Variants in CDH23 observed in about 807,000 individuals in gnomAD.
CDH23 encodes cadherin-23.
Under a neutral mutation model 317.1 loss-of-function variants are expected in CDH23, and 189 were observed. The ratio of observed to expected loss-of-function variants is 0.60; its 90% CI spans 0.53 to 0.67. CDH23 has a LOEUF of 0.67. Among genes scored for constraint, CDH23 ranks in the 30% least tolerant of loss-of-function variants. CDH23 has a pLI of 0.00. For missense variants in CDH23, 4,401 were observed against 4,592.4 expected (o/e 0.96, Z 1.20); for synonymous variants, 1,839 against 1,876.8 (o/e 0.98, Z 0.52).
chr10:71,423,838 A>G (rs1460388220), intron 1 of CDH23, among the ~76,000 whole-genome samples: 2 of 152,158 alleles, frequency 1.3e-5, no homozygotes, highest in Middle Eastern at 3.2e-3. Flanking sequence ...GCAGGGCAGG[A>G]CGGGTGGTGC....
rs1554820918 is a variant in CDH23 at position 71,402,745 on chromosome 10, G to GTGTGCA, written c.-6+5427_-6+5428insTGTGCA. ...TGTGTGTGTGTGTGTGTGTGTGTGT[G>GTGTGCA]CACGCGCGCGCGCGCACATGCGCGT... On this transcript the variant is annotated intron_variant, in intron 1 of 69. Transcript: ENST00000224721. Among the ~76,000 whole-genome samples the GTGTGCA allele has an allele frequency of 2.2e-4, 32 of 147,036 alleles. 2 individuals carry two copies. Among genetic ancestry groups the GTGTGCA allele is most frequent in the Non-Finnish European group, 3.3e-4 (22 of 66,152 alleles).
chr10:71,734,141 G>T, intron 32 of CDH23, 99 bp from the exon 33 acceptor site: 1 of 966,762 alleles, frequency 1.0e-6, no homozygotes. Flanking sequence ...AAGTTATGCC[G>T]GACAGAGGAA....
intron 6 of CDH23, among the ~76,000 whole-genome samples, chr10:71,544,314 A>G (rs1052656371): frequency 2.0e-5 from 3 of 152,130 alleles, no homozygotes; most frequent in African/African-American, 7.2e-5. Flanking sequence ...GCGGAAAACA[A>G]CTCTAATAAC....
chr10:71,646,543 A>G lies in CDH23; in HGVS notation c.1375A>G (p.Ile459Val). ...CATCAATGAAAATGACAACCGGCCC[A>G]TCTTCAGCCAGCCACTGTACAACAT... ...TLINENDNRP[I>V]FSQPLYNISL... Residue 459 changes from isoleucine to valine, a missense_variant, in exon 14 of 70, where the codon ATC becomes GTC. Around this residue, in one of 3 missense-constraint regions of CDH23, gnomAD observed 3,068 missense variants for 3,203.3 expected, o/e 0.96. Coordinates refer to ENST00000224721, the MANE Select transcript of CDH23 (RefSeq NM_022124.6). 4 of 1,614,004 alleles carry G rather than the reference A, an allele frequency of 2.5e-6. No individual in the cohort carries two copies. Among genetic ancestry groups the G allele is most frequent in the Non-Finnish European group, 3.4e-6 (4 of 1,179,890 alleles).
chr10:71,588,587 CAGCCTGTAGGTAT>C (rs1423683632), intron 9 of CDH23, among the ~76,000 whole-genome samples: 1 of 152,148 alleles, frequency 6.6e-6, no homozygotes, highest in Non-Finnish European at 1.5e-5. Flanking sequence ...CTGGATTCCT[CAGCCTGTAGGTAT>C]TAATGGGGTC....
At chr10:71,744,300 C>G (rs574936959) in intron 38 of CDH23, among the ~76,000 whole-genome samples, 1 of 152,262 alleles carries the variant, frequency 6.6e-6, no homozygotes, top group South Asian at 2.1e-4. Flanking sequence ...CACTCCCCAC[C>G]CACACTCCAA....
At chr10:71,658,286 G>A (rs1253830933) in intron 14 of CDH23, among the ~76,000 whole-genome samples, 1 of 152,200 alleles carries the variant, frequency 6.6e-6, no homozygotes, top group East Asian at 1.9e-4. Flanking sequence ...AGGAGAGAGC[G>A]AGAGATGGAG....
chr10:71,523,975 C>G (rs1204769019), intron 6 of CDH23, among the ~76,000 whole-genome samples: 1 of 152,210 alleles, frequency 6.6e-6, no homozygotes, highest in Non-Finnish European at 1.5e-5. Flanking sequence ...TTTCTACTTC[C>G]CTGGAACACA....
At position 71,785,791 on chromosome 10, in the gene CDH23, G is replaced by A. The variant is rs1164516429; in HGVS notation, c.5820+53G>A. ...GGGCTGGGAGCTAGAGGCGCATGGA[G>A]AGAGAACACATCACCCCTCCTGCAG... On this transcript the variant is annotated intron_variant, in intron 44 of 69. Transcript: ENST00000224721. 25 of 1,091,778 alleles carry A rather than the reference G, an allele frequency of 2.3e-5. 1 individual carries two copies. In the Middle Eastern group the frequency reaches 5.9e-4, roughly 26 times the overall value. 67.6% of individuals were successfully genotyped at this position (1,091,778 alleles called of 1,614,324 possible).
chr10:71,634,826 C>T (rs1371121281), intron 11 of CDH23, among the ~76,000 whole-genome samples: 1 of 152,250 alleles, frequency 6.6e-6, no homozygotes, highest in African/African-American at 2.4e-5. Flanking sequence ...CCGTGTGTCC[C>T]CCGATCTCCA....
At chr10:71,572,279 C>G (rs959493883) in intron 8 of CDH23, among the ~76,000 whole-genome samples, 38 of 151,758 alleles carry the variant, frequency 2.5e-4, no homozygotes, top group African/African-American at 9.0e-4. Flanking sequence ...TTCCTAGCCC[C>G]TTTTCTCTCT....
intron 18 of CDH23, among the ~76,000 whole-genome samples, chr10:71,686,400 C>G (rs968904275): frequency 6.6e-6 from 1 of 152,032 alleles, no homozygotes; most frequent in African/African-American, 2.4e-5. Flanking sequence ...GTCAGCGTGA[C>G]CCAGGGTGCC....
rs146731232 is a variant in CDH23 at position 71,455,107 on chromosome 10, A to T, written c.145+8712A>T. On this transcript the variant is annotated intron_variant, in intron 3 of 69. Coordinates refer to ENST00000224721, the MANE Select transcript of CDH23 (RefSeq NM_022124.6). Reference sequence around the variant, plus strand: ...TCCTCCTGCCTTGGCCTCCCAAAGCACTGAGATTACAGGCATGAGCCACTG... The same window carrying T: ...TCCTCCTGCCTTGGCCTCCCAAAGCTCTGAGATTACAGGCATGAGCCACTG... 3.4e-3 allele frequency among the ~76,000 whole-genome samples: 511 copies of T among 152,244 alleles called. 4 individuals carry two copies. The highest frequency in any genetic ancestry group is 3.3e-3 in the Non-Finnish European group (223 of 68,022).
At chr10:71,638,315 CAG>C (rs1862372434) in intron 11 of CDH23, among the ~76,000 whole-genome samples, 1 of 152,160 alleles carries the variant, frequency 6.6e-6, no homozygotes, top group Non-Finnish European at 1.5e-5. Context: ...TGACTGATGG[CAG>C]AGAGAGACAA....
chr10:71,648,820 C>T (rs979751731), intron 14 of CDH23, among the ~76,000 whole-genome samples: 2 of 152,170 alleles, frequency 1.3e-5, no homozygotes, highest in Non-Finnish European at 2.9e-5. Flanking sequence ...CTTCCTTCAT[C>T]CAAGCCTCAC....
At chr10:71,701,975 C>G (rs942987455) in intron 22 of CDH23, 47 bp from the exon 23 acceptor site, 1 of 1,597,490 alleles carries the variant, frequency 6.3e-7, no homozygotes. Flanking sequence ...CCAGAGACAC[C>G]CTCCCCAGGC....
intron 1 of CDH23, among the ~76,000 whole-genome samples, chr10:71,398,428 AGTGTGT>A (rs143519061): frequency 0.081 from 9,790 of 120,170 alleles, 532 homozygotes; most frequent in East Asian, 0.24. Flanking sequence ...GAGACACAGG[AGTGTGT>A]GTGTGTGTGT....
chr10:71,691,375 G>T (rs1214598726), intron 20 of CDH23, among the ~76,000 whole-genome samples: 1 of 150,802 alleles, frequency 6.6e-6, no homozygotes, highest in Non-Finnish European at 1.5e-5. Context: ...CCAGGTGCTG[G>T]GGTACAGGAA....
rs760800475 is a variant in CDH23, at chr10:71,712,739, C to T, written c.3295C>T (p.Arg1099Trp). 55 of 1,613,670 alleles carry T rather than the reference C, an allele frequency of 3.4e-5. No individual in the cohort carries two copies. Among genetic ancestry groups the T allele is most frequent in the South Asian group, 7.7e-5 (7 of 91,048 alleles). The change falls in exon 28 of 70, where the codon CGG becomes TGG. Residue 1099 changes from arginine (R) to tryptophan (W), a missense_variant. Physicochemically the swap from Arg to Trp is moderately radical, Grantham distance 101 (BLOSUM62 -3). Coordinates refer to ENST00000224721, the MANE Select transcript of CDH23 (RefSeq NM_022124.6). ...CACTGTCCTGGATGTGAATGACAAC[C>T]GGCCCATCTTTCTGCAGAGCAGCTA... ...FVTVLDVNDN[R>W]PIFLQSSYEA...
Sources: gnomAD v4.1 joint callset for allele counts (sites outside exome capture counted in the v4.1 genomes callset) on GRCh38, gnomAD v4.1.1 for gene constraint, gnomAD v4.1.1 regional missense constraint, MANE v1.5 for transcripts, NCBI Gene and HGNC (gene_info 2026-07-23, HGNC 2026-07-21) for gene names.